VWC2L: variants seen among roughly 807,000 people sequenced by gnomAD.
VWC2L encodes the protein von Willebrand factor C domain containing 2 like.
In VWC2L, 10 loss-of-function variants were observed where a neutral mutation model predicts 21.6. The ratio of observed to expected loss-of-function variants is 0.46; its 90% confidence interval spans 0.29 to 0.78. The LOEUF (loss-of-function observed/expected upper bound fraction) is 0.78. Among genes scored for constraint, VWC2L ranks in the 30% least tolerant of loss-of-function variants. The pLI, the probability that VWC2L is intolerant of heterozygous loss-of-function variation, is 0.10. For missense variants in VWC2L, 209 were observed against 277.1 expected, an observed-to-expected ratio of 0.75 and a Z score of 1.74; for synonymous variants, 96 against 94.3, an observed-to-expected ratio of 1.02 and a Z score of -0.10.
At chr2:214,536,514 A>T (rs940240335) in intron 3 of VWC2L, among the ~76,000 whole-genome samples, 12 of 152,078 alleles carry the variant, frequency 7.9e-5, no homozygotes, top group African/African-American at 2.9e-4. Flanking sequence ...TGAATCTTAA[A>T]ATCTTAACAT....
intron 3 of VWC2L, among the ~76,000 whole-genome samples, chr2:214,573,009 G>C (rs1405574421): frequency 1.3e-5 from 2 of 152,156 alleles, no homozygotes; most frequent in African/African-American, 4.8e-5. Flanking sequence ...TGACTCTTAA[G>C]AAATGGTGTA....
intron 3 of VWC2L, among the ~76,000 whole-genome samples, chr2:214,505,908 A>C (rs1688961264): frequency 6.6e-6 from 1 of 152,158 alleles, no homozygotes; most frequent in African/African-American, 2.4e-5. Flanking sequence ...TTAAATCTCC[A>C]AATTTCTTAG....
In VWC2L at chr2:214,575,864, T is replaced by C; in HGVS notation, c.*44T>C. 1 of 1,586,136 alleles carries C rather than the reference T, an allele frequency of 6.3e-7. No homozygotes were observed. The highest frequency in any genetic ancestry group is 8.6e-7 in the Non-Finnish European group (1 of 1,160,030). ...GATGAGTTCTTAGGAAAGGATGCTA[T>C]GGCTTCAACACTGCACATGTTTAAC... On this transcript the variant is annotated 3_prime_UTR_variant, in exon 4 of 4. Coordinates refer to ENST00000312504, the MANE Select transcript of VWC2L (RefSeq NM_001080500.4).
At chr2:214,506,630 G>T (rs1473432688) in intron 3 of VWC2L, among the ~76,000 whole-genome samples, 3 of 152,028 alleles carry the variant, frequency 2.0e-5, no homozygotes, top group African/African-American at 7.2e-5. Context: ...TCTTTCTAAA[G>T]AAATGTTCAA....
chr2:214,445,390 T>C (rs1375499755), intron 3 of VWC2L, among the ~76,000 whole-genome samples: 1 of 151,844 alleles, frequency 6.6e-6, no homozygotes, highest in Non-Finnish European at 1.5e-5. Flanking sequence ...TATATCCATA[T>C]GAACTACTAA....
At chr2:214,563,989 C>T (rs1398217552) in intron 3 of VWC2L, among the ~76,000 whole-genome samples, 4 of 152,018 alleles carry the variant, frequency 2.6e-5, no homozygotes, top group Non-Finnish European at 5.9e-5. Context: ...CTAAAATCAA[C>T]GTGTAGAAGT....
intron 3 of VWC2L, among the ~76,000 whole-genome samples, chr2:214,518,147 C>T (rs191043567): frequency 2.6e-3 from 364 of 140,732 alleles, no homozygotes; most frequent in Non-Finnish European, 4.2e-3. Context: ...GCCTGGATGA[C>T]AGAGCAAGAC....
intron 3 of VWC2L, among the ~76,000 whole-genome samples, chr2:214,487,039 T>C (rs183222937): frequency 9.7e-4 from 148 of 152,262 alleles, no homozygotes; most frequent in Non-Finnish European, 7.4e-5. Context: ...GGTGTCCCTA[T>C]AAGAAGAGAT....
intron 3 of VWC2L, among the ~76,000 whole-genome samples, chr2:214,504,075 C>G (rs1171626175): frequency 1.3e-5 from 2 of 152,224 alleles, no homozygotes; most frequent in Non-Finnish European, 2.9e-5. Context: ...CAAATTGTAA[C>G]TGGTTCTGTG....
intron 3 of VWC2L, among the ~76,000 whole-genome samples, chr2:214,500,071 G>A (rs1441049214): frequency 6.6e-6 from 1 of 152,128 alleles, no homozygotes. Context: ...TCAGGCAAAG[G>A]TAAGAGCAAG....
chr2:214,565,207 T>C lies in VWC2L; in HGVS notation c.521-10465T>C, dbSNP rs530047754. Among the ~76,000 whole-genome samples, 32 of 152,268 alleles carry C rather than the reference T, an allele frequency of 2.1e-4. 1 individual carries two copies. The highest frequency in any genetic ancestry group is 3.4e-3 in the Middle Eastern group (1 of 294). ...GCATTCACATTTTTTCTCAGTTTTT[T>C]AAGCAATAAGAAAAAAAACTTCAAA... On this transcript the variant is annotated intron_variant, in intron 3 of 3. Coordinates refer to ENST00000312504, the MANE Select transcript of VWC2L (RefSeq NM_001080500.4).
chr2:214,516,766 CT>C (rs1029690405), intron 3 of VWC2L, among the ~76,000 whole-genome samples: 3 of 152,228 alleles, frequency 2.0e-5, no homozygotes, highest in Non-Finnish European at 2.9e-5. Flanking sequence ...TTTTTAAGAG[CT>C]TTGAGGCATG....
intron 2 of VWC2L, among the ~76,000 whole-genome samples, chr2:214,428,884 G>A (rs1702562957): frequency 6.6e-6 from 1 of 150,462 alleles, no homozygotes; most frequent in African/African-American, 2.4e-5. Context: ...AAATGGGTTT[G>A]GTTGTTCCAG....
chr2:214,444,138 A>C (rs1702803044), intron 3 of VWC2L, among the ~76,000 whole-genome samples: 1 of 152,134 alleles, frequency 6.6e-6, no homozygotes. Context: ...TCCTAACTAC[A>C]TATGAAAATT....
At chr2:214,450,113 T>C (rs1702931483) in intron 3 of VWC2L, among the ~76,000 whole-genome samples, 1 of 152,158 alleles carries the variant, frequency 6.6e-6, no homozygotes, top group Non-Finnish European at 1.5e-5. Flanking sequence ...TATTGATGTC[T>C]TTGGATTAGA....
intron 3 of VWC2L, among the ~76,000 whole-genome samples, chr2:214,446,931 C>A (rs1702846827): frequency 6.6e-6 from 1 of 152,138 alleles, no homozygotes; most frequent in South Asian, 2.1e-4. Context: ...AGTAGCTAGG[C>A]ATACTGCTGA....
At chr2:214,534,498 A>C (rs1052390444) in intron 3 of VWC2L, among the ~76,000 whole-genome samples, 1 of 152,098 alleles carries the variant, frequency 6.6e-6, no homozygotes, top group Non-Finnish European at 1.5e-5. Flanking sequence ...ATGAGAAAGC[A>C]TTGGTGGGAG....
At chr2:214,559,721 C>A (rs1689935158) in intron 3 of VWC2L, among the ~76,000 whole-genome samples, 1 of 151,894 alleles carries the variant, frequency 6.6e-6, no homozygotes, top group African/African-American at 2.4e-5. Flanking sequence ...GCGATCCTCT[C>A]ATCTCAGCAT....
chr2:214,514,574 G>A (rs1015540644), intron 3 of VWC2L, among the ~76,000 whole-genome samples: 7 of 152,016 alleles, frequency 4.6e-5, no homozygotes, highest in Non-Finnish European at 7.4e-5. Flanking sequence ...GCAACATTTT[G>A]CCAAGCAGAC....
Sources: gnomAD v4.1 joint callset for allele counts (sites outside exome capture counted in the v4.1 genomes callset) on GRCh38, gnomAD v4.1.1 for gene constraint, MANE v1.5 for transcripts, NCBI Gene and HGNC (gene_info 2026-07-23, HGNC 2026-07-21) for gene names.